The following RAD18 variants were observed in gnomAD, a reference collection of about 807,000 sequenced individuals.
RAD18 encodes RAD18 E3 ubiquitin protein ligase, also known as E3 ubiquitin-protein ligase RAD18.
A neutral mutation model predicts 60.4 loss-of-function variants in RAD18; 47 were observed. The ratio of observed to expected loss-of-function variants is 0.78; its 90% CI spans 0.62 to 0.99. RAD18 has a LOEUF of 0.99. Among genes scored for constraint, RAD18 ranks in the 50% least tolerant of loss-of-function variants. The pLI, the probability that RAD18 is intolerant of heterozygous loss-of-function variation, is 0.00. For missense variants in RAD18, 640 were observed against 593.3 expected, an observed-to-expected ratio of 1.08 and a Z score of -0.82; for synonymous variants, 225 against 195.5, an observed-to-expected ratio of 1.15 and a Z score of -1.26.
chr3:8,893,421 A>G (rs1477111865), intron 11 of RAD18, among the ~76,000 whole-genome samples: 1 of 152,166 alleles, frequency 6.6e-6, no homozygotes. Context: ...CTGGAGGATC[A>G]ATGCAGGACA....
intron 2 of RAD18, among the ~76,000 whole-genome samples, chr3:8,954,105 G>A (rs1940970917): frequency 6.6e-6 from 1 of 152,170 alleles, no homozygotes; most frequent in Non-Finnish European, 1.5e-5. Context: ...TGCACTTCTG[G>A]AAATTCTGAA....
chr3:8,938,119 G>A (rs1940684752), intron 6 of RAD18, among the ~76,000 whole-genome samples: 1 of 152,018 alleles, frequency 6.6e-6, no homozygotes, highest in African/African-American at 2.4e-5. Flanking sequence ...GTGGCTTATG[G>A]GAAATAATCC....
chr3:8,894,759 C>CTTTTTTT lies in RAD18; in HGVS notation c.1322+4128_1322+4134dup, dbSNP rs71625397. 2.7e-3 allele frequency among the ~76,000 whole-genome samples: 322 copies of CTTTTTTT among 120,738 alleles called. 4 individuals carry two copies. Among genetic ancestry groups the CTTTTTTT allele is most frequent in the African/African-American group, 6.2e-3 (183 of 29,432 alleles). 79.2% of individuals were successfully genotyped at this position (120,738 alleles called of 152,430 possible). On this transcript the variant is annotated intron_variant, in intron 11 of 12. Transcript: ENST00000264926. The stretch of plus-strand genomic sequence containing the variant: ...TCATGCACCACACCCAGTTTAAGCG[C>CTTTTTTT]TTTTTTTTTTTTTTTTTTTGAGATG...
Position 8,912,299 on chromosome 3 carries a change from T to C in RAD18, c.1027+13A>G. Reference sequence around the variant, plus strand: ...GAAGCTCTTTACAAATTAAATAAAGTCGTGCAACTTACGATATTTACTGTG... The same window carrying C: ...GAAGCTCTTTACAAATTAAATAAAGCCGTGCAACTTACGATATTTACTGTG... On this transcript the variant is annotated intron_variant, in intron 9 of 12. Transcript: ENST00000264926. The C allele has an allele frequency of 6.5e-7, 1 of 1,534,996 alleles. No homozygotes were observed. Among genetic ancestry groups the C allele is most frequent in the Non-Finnish European group, 8.8e-7 (1 of 1,136,720 alleles).
chr3:8,877,244 C>A lies in RAD18; in HGVS notation c.*4113G>T. ...CTCACAGGTATGGAGGCTGGTAAGT[C>A]CAAGATCAAGGCACTGGCAGATTCC... On this transcript the variant is annotated 3_prime_UTR_variant, in exon 13 of 13. Coordinates refer to ENST00000264926, the MANE Select transcript of RAD18 (RefSeq NM_020165.4). 1 of 154,692 alleles carries A rather than the reference C, an allele frequency of 6.5e-6. No homozygotes were observed. The highest frequency in any genetic ancestry group is 1.8e-4 in the South Asian group (1 of 5,500). The allele number at this position is 154,692 out of a possible 1,614,324, so 9.6% of individuals were successfully genotyped here.
At chr3:8,883,376 T>C (rs569902876) in intron 12 of RAD18, among the ~76,000 whole-genome samples, 8 of 152,252 alleles carry the variant, frequency 5.3e-5, no homozygotes, top group Admixed American at 2.6e-4. Context: ...TTTGCTATTA[T>C]TGTTTAGTGA....
intron 12 of RAD18, among the ~76,000 whole-genome samples, chr3:8,885,676 T>G (rs1458986513): frequency 6.6e-6 from 1 of 152,146 alleles, no homozygotes; most frequent in Admixed American, 6.5e-5. Flanking sequence ...GGAAAAGGGA[T>G]TTAGGGTGAA....
intron 7 of RAD18, among the ~76,000 whole-genome samples, chr3:8,916,945 C>A (rs1252213123): frequency 6.6e-6 from 1 of 151,848 alleles, no homozygotes; most frequent in African/African-American, 2.4e-5. Flanking sequence ...CTAGAATTTG[C>A]CAAATATAAG....
intron 5 of RAD18, among the ~76,000 whole-genome samples, 168 bp downstream of exon 5, chr3:8,941,297 TGA>T (rs1222742472): frequency 6.6e-6 from 1 of 152,230 alleles, no homozygotes; most frequent in South Asian, 2.1e-4. Flanking sequence ...TTCCTGTTTC[TGA>T]GAGAGAAAGA....
At chr3:8,909,961 G>A (rs1940079045) in intron 9 of RAD18, among the ~76,000 whole-genome samples, 1 of 152,192 alleles carries the variant, frequency 6.6e-6, no homozygotes, top group Non-Finnish European at 1.5e-5. Context: ...GAAGTTTCCT[G>A]GCAAATGTAT....
At chr3:8,937,805 G>C (rs1388016240) in intron 6 of RAD18, among the ~76,000 whole-genome samples, 2 of 152,140 alleles carry the variant, frequency 1.3e-5, no homozygotes, top group East Asian at 3.8e-4. Flanking sequence ...ACTAAGAGGG[G>C]GATCCAGGAG....
In RAD18 at chr3:8,945,041, C is replaced by T. The variant is rs45583035; in HGVS notation, c.266+2179G>A. On this transcript the variant is annotated intron_variant, in intron 4 of 12. Transcript: ENST00000264926. ...AAATTTTAAAAACACAGTATGACAACGATTTATATAGCATTGTATTAGGAC... is the reference window on the plus strand; with the variant it reads ...AAATTTTAAAAACACAGTATGACAATGATTTATATAGCATTGTATTAGGAC... Among the ~76,000 whole-genome samples the T allele has an allele frequency of 9.3e-3, 1,419 of 152,164 alleles. 12 individuals carry two copies. The highest frequency in any genetic ancestry group is 0.014 in the Non-Finnish European group (968 of 68,002).
At chr3:8,946,462 C>A (rs1168459907) in intron 4 of RAD18, among the ~76,000 whole-genome samples, 1 of 152,234 alleles carries the variant, frequency 6.6e-6, no homozygotes, top group African/African-American at 2.4e-5. Flanking sequence ...ACAGGGGCAC[C>A]TGACCACTAT....
At chr3:8,953,669 T>G (rs1940961500) in intron 2 of RAD18, among the ~76,000 whole-genome samples, 1 of 152,110 alleles carries the variant, frequency 6.6e-6, no homozygotes, top group South Asian at 2.1e-4. Flanking sequence ...GAAGGTACAA[T>G]AACAACAATG....
At chr3:8,899,981 A>G (rs974893389) in intron 10 of RAD18, among the ~76,000 whole-genome samples, 22 of 152,220 alleles carry the variant, frequency 1.4e-4, no homozygotes, top group Non-Finnish European at 2.9e-4. Flanking sequence ...TAAAAATACA[A>G]TTGTCAAGGT....
At chr3:8,902,700 C>G (rs1939934975) in intron 9 of RAD18, among the ~76,000 whole-genome samples, 180 bp from the exon 10 acceptor site, 1 of 152,100 alleles carries the variant, frequency 6.6e-6, no homozygotes, top group Admixed American at 6.5e-5. Context: ...ACCAGCGTGG[C>G]CAGCATGGTG....
chr3:8,899,228 T>C (rs1209738539), intron 10 of RAD18, among the ~76,000 whole-genome samples, 181 bp from the exon 11 acceptor site: 1 of 152,222 alleles, frequency 6.6e-6, no homozygotes, highest in African/African-American at 2.4e-5. Flanking sequence ...TATCTAATTA[T>C]ACTGTCCAGC....
chr3:8,954,158 A>G (rs950508786), intron 2 of RAD18, among the ~76,000 whole-genome samples: 1 of 152,224 alleles, frequency 6.6e-6, no homozygotes, highest in Admixed American at 6.5e-5. Flanking sequence ...CTTACCAACT[A>G]ACTGTCCCTT....
chr3:8,920,728 T>C (rs1026945366), intron 7 of RAD18, among the ~76,000 whole-genome samples: 1 of 152,178 alleles, frequency 6.6e-6, no homozygotes, highest in Non-Finnish European at 1.5e-5. Context: ...AGATTTTACT[T>C]GAAAAACACA....
Sources: allele counts gnomAD v4.1 joint callset (sites outside exome capture counted in the v4.1 genomes callset), GRCh38; gene constraint gnomAD v4.1.1; transcripts MANE v1.5; gene names NCBI Gene and HGNC (gene_info 2026-07-23, HGNC 2026-07-21).